Variants in AGPAT5 observed in about 807,000 individuals in gnomAD.
AGPAT5 encodes 1-acylglycerol-3-phosphate O-acyltransferase 5.
AGPAT5 carries 46 observed loss-of-function variants against 45.6 expected under a neutral mutation model. That is an observed-to-expected ratio of 1.01 (90% CI 0.80 to 1.29). AGPAT5 has a LOEUF of 1.29. Ranked by LOEUF, AGPAT5 falls within the 50% of genes most tolerant of loss-of-function variation. AGPAT5 has a pLI of 0.00. For synonymous variants in AGPAT5, 272 were observed against 167.0 expected (o/e 1.63, Z -4.85); for missense variants, 673 against 450.7 (o/e 1.49, Z -4.47).
At chr8:6,745,587 T>G (rs150362650) in intron 5 of AGPAT5, among the ~76,000 whole-genome samples, 23 of 152,356 alleles carry the variant, frequency 1.5e-4, no homozygotes, top group African/African-American at 5.0e-4. Context: ...TGGAGTATAA[T>G]TTTTCTTGTT....
chr8:6,728,295 A>G (rs1341662294), intron 2 of AGPAT5, among the ~76,000 whole-genome samples: 2 of 152,268 alleles, frequency 1.3e-5, no homozygotes, highest in African/African-American at 4.8e-5. Flanking sequence ...TGTCAAAGTA[A>G]TATAATCTCA....
chr8:6,711,235 A>G (rs913791029), intron 1 of AGPAT5, among the ~76,000 whole-genome samples: 4 of 152,204 alleles, frequency 2.6e-5, no homozygotes, highest in African/African-American at 7.2e-5. Flanking sequence ...GAGATTTATG[A>G]TCTGTGCTTG....
chr8:6,722,783 G>C (rs1053417882), intron 1 of AGPAT5, among the ~76,000 whole-genome samples: 1 of 152,276 alleles, frequency 6.6e-6, no homozygotes, highest in African/African-American at 2.4e-5. Flanking sequence ...TAGTTATTCA[G>C]AAATCATTTT....
At chr8:6,734,245 C>A (rs548084083) in intron 4 of AGPAT5, among the ~76,000 whole-genome samples, 48 of 151,404 alleles carry the variant, frequency 3.2e-4, no homozygotes, top group Admixed American at 9.2e-4. Context: ...ATGCATTATT[C>A]GTTTTTTGTT....
chr8:6,751,719 TTTAA>T (rs1340054471), intron 6 of AGPAT5, among the ~76,000 whole-genome samples: 2 of 144,860 alleles, frequency 1.4e-5, no homozygotes, highest in Non-Finnish European at 3.0e-5. Flanking sequence ...TTGATTTTTT[TTTAA>T]TTATTTTTCT....
At chr8:6,711,215 G>A (rs1305748208) in intron 1 of AGPAT5, among the ~76,000 whole-genome samples, 3 of 152,214 alleles carry the variant, frequency 2.0e-5, no homozygotes, top group Non-Finnish European at 4.4e-5. Flanking sequence ...AGAAGTAGTA[G>A]TAGGTCCATG....
Position 6,757,458 on chromosome 8 carries a change from A to T in AGPAT5, c.*70A>T. On this transcript the variant is annotated 3_prime_UTR_variant, in exon 8 of 8. Coordinates refer to ENST00000285518, the MANE Select transcript of AGPAT5 (RefSeq NM_018361.5). ...TTTTGGCGGCTGCACATGACATCAAATTGTTTCCTGAATTTATTAAGGAGT... is the reference window on the plus strand; with the variant it reads ...TTTTGGCGGCTGCACATGACATCAATTTGTTTCCTGAATTTATTAAGGAGT... 1 of 1,200,138 alleles carries T rather than the reference A, an allele frequency of 8.3e-7. No homozygotes were observed. The highest frequency in any genetic ancestry group is 1.3e-5 in the South Asian group (1 of 76,836). 74.3% of individuals were successfully genotyped at this position (1,200,138 alleles called of 1,614,324 possible).
At chr8:6,752,782 G>A (rs1359316785) in intron 6 of AGPAT5, among the ~76,000 whole-genome samples, 1 of 152,214 alleles carries the variant, frequency 6.6e-6, no homozygotes, top group African/African-American at 2.4e-5. Context: ...AACTAAGATA[G>A]TTTTTGCAAA....
chr8:6,708,655 GCC>G lies in AGPAT5; in HGVS notation c.-13_-12del. 1 of 1,525,972 alleles carries G rather than the reference GCC, an allele frequency of 6.6e-7. No homozygotes were observed. The highest frequency in any genetic ancestry group is 8.8e-7 in the Non-Finnish European group (1 of 1,141,504). The allele number at this position is 1,525,972 out of a possible 1,614,324, so 94.5% of individuals were successfully genotyped here. A position where few individuals can be genotyped will look rare whatever the true frequency, so the allele number is the denominator to read the frequency against. ...GGGAGCGCAGGCGGAGCTCGCTGCC[GCC>G]GAGCTGAGAAGATGCTGCTGTCCCT... On this transcript the variant is annotated 5_prime_UTR_variant, in exon 1 of 8. Transcript: ENST00000285518.
In AGPAT5 at chr8:6,759,633, A is replaced by G. The variant is rs1251453714; in HGVS notation, c.*2245A>G. On this transcript the variant is annotated 3_prime_UTR_variant, in exon 8 of 8. Transcript: ENST00000285518. Reference sequence around the variant, plus strand: ...GAAAAGGGTGTGTTTGGATGAAAGTAAAAAAAAAAATAAAATCTTTCACTG... The same window carrying G: ...GAAAAGGGTGTGTTTGGATGAAAGTGAAAAAAAAAATAAAATCTTTCACTG... 6.8e-6 allele frequency: 1 copy of G among 147,562 alleles called. No individual in the cohort carries two copies. The highest frequency in any genetic ancestry group is 1.5e-5 in the Non-Finnish European group (1 of 66,532). 9.1% of individuals were successfully genotyped at this position (147,562 alleles called of 1,614,324 possible). A position where few individuals can be genotyped will look rare whatever the true frequency, so the allele number is the denominator to read the frequency against.
intron 1 of AGPAT5, among the ~76,000 whole-genome samples, chr8:6,712,632 G>A (rs187939621): frequency 2.4e-4 from 36 of 152,272 alleles, no homozygotes; most frequent in African/African-American, 7.9e-4. Context: ...AGTACTGACA[G>A]AGGATTGGGT....
intron 1 of AGPAT5, among the ~76,000 whole-genome samples, chr8:6,717,124 G>A (rs901484811): frequency 7.9e-5 from 12 of 152,228 alleles, no homozygotes; most frequent in African/African-American, 2.9e-4. Flanking sequence ...GCAGCCAGCA[G>A]TGCAGAGAAA....
At chr8:6,747,214 T>C (rs1197759917) in intron 5 of AGPAT5, among the ~76,000 whole-genome samples, 1 of 152,218 alleles carries the variant, frequency 6.6e-6, no homozygotes, top group Non-Finnish European at 1.5e-5. Flanking sequence ...AATGAAGCAC[T>C]GAGTCCTGCA....
chr8:6,729,631 C>T (rs1051475015), intron 2 of AGPAT5, among the ~76,000 whole-genome samples: 1 of 152,100 alleles, frequency 6.6e-6, no homozygotes, highest in Non-Finnish European at 1.5e-5. Context: ...ACTTCATTTC[C>T]TCTTTAAACC....
intron 6 of AGPAT5, among the ~76,000 whole-genome samples, chr8:6,754,435 G>A (rs1319278041): frequency 6.6e-6 from 1 of 152,098 alleles, no homozygotes; most frequent in Non-Finnish European, 1.5e-5. Context: ...TAGAGAGGAG[G>A]GGCAATTGCT....
chr8:6,744,541 G>A (rs1331936830), intron 5 of AGPAT5, among the ~76,000 whole-genome samples: 1 of 152,070 alleles, frequency 6.6e-6, no homozygotes, highest in Non-Finnish European at 1.5e-5. Context: ...TCTCCTGTAC[G>A]GGGTCCTGTG....
At chr8:6,751,667 A>G (rs1801658405) in intron 6 of AGPAT5, among the ~76,000 whole-genome samples, 1 of 151,642 alleles carries the variant, frequency 6.6e-6, no homozygotes, top group African/African-American at 2.4e-5. Flanking sequence ...ATCATGGAAG[A>G]TGTCATTGCG....
chr8:6,728,246 C>G (rs182212707), intron 2 of AGPAT5, among the ~76,000 whole-genome samples: 26 of 152,316 alleles, frequency 1.7e-4, no homozygotes, highest in Non-Finnish European at 3.2e-4. Flanking sequence ...TTATTGCTAT[C>G]TTAGTTAAAT....
chr8:6,736,150 CCTT>C (rs1323654939), intron 4 of AGPAT5, among the ~76,000 whole-genome samples: 3 of 152,174 alleles, frequency 2.0e-5, no homozygotes, highest in Non-Finnish European at 2.9e-5. Context: ...CCACGCCCAG[CCTT>C]CTTCATCTAG....
Sources: gnomAD v4.1 joint callset for allele counts (sites outside exome capture counted in the v4.1 genomes callset) on GRCh38, gnomAD v4.1.1 for gene constraint, MANE v1.5 for transcripts, NCBI Gene and HGNC (gene_info 2026-07-23, HGNC 2026-07-21) for gene names.